Variants in NRG3 observed in about 807,000 individuals in gnomAD.
NRG3 encodes neuregulin 3.
NRG3 carries 31 observed loss-of-function variants against 66.9 expected under a neutral mutation model. That is an observed-to-expected ratio of 0.46 (90% CI 0.35 to 0.63). NRG3 has a LOEUF of 0.63. NRG3 is among the 20% of genes least tolerant of loss of function. The pLI, the probability that NRG3 is intolerant of heterozygous loss-of-function variation, is 0.00. For synonymous variants in NRG3, 393 were observed against 359.4 expected (o/e 1.09, Z -1.06); for missense variants, 910 against 878.9 (o/e 1.04, Z -0.45).
chr10:82,772,786 G>T (rs752449953), intron 3 of NRG3, among the ~76,000 whole-genome samples: 1 of 142,914 alleles, frequency 7.0e-6, no homozygotes, highest in Non-Finnish European at 1.5e-5. Context: ...GTTCATTGCA[G>T]CCTCGACCTC....
intron 1 of NRG3, among the ~76,000 whole-genome samples, chr10:82,198,014 G>C (rs1272579183): frequency 2.6e-5 from 4 of 152,098 alleles, no homozygotes; most frequent in Non-Finnish European, 5.9e-5. Flanking sequence ...AATTTGTAAA[G>C]CAACTGGATT....
At chr10:82,792,963 A>C (rs1591541225) in intron 3 of NRG3, among the ~76,000 whole-genome samples, 1 of 152,026 alleles carries the variant, frequency 6.6e-6, no homozygotes. Context: ...TTACAGGCAT[A>C]AGCCACCACA....
intron 6 of NRG3, among the ~76,000 whole-genome samples, chr10:82,963,256 T>G (rs1850854875): frequency 6.6e-6 from 1 of 152,104 alleles, no homozygotes; most frequent in South Asian, 2.1e-4. Flanking sequence ...AGAGCAATTA[T>G]TTTGGCCAGT....
chr10:81,918,547 A>G (rs1343993556), intron 1 of NRG3, among the ~76,000 whole-genome samples: 2 of 152,140 alleles, frequency 1.3e-5, no homozygotes, highest in Non-Finnish European at 2.9e-5. Flanking sequence ...ATGATATTTT[A>G]TATGCTCTGT....
At chr10:82,805,062 G>C (rs1330711278) in intron 3 of NRG3, among the ~76,000 whole-genome samples, 2 of 152,180 alleles carry the variant, frequency 1.3e-5, no homozygotes, top group Admixed American at 1.3e-4. Context: ...CTATTCAAAT[G>C]TATTATGCAC....
At chr10:82,974,993 A>G (rs1852117699) in intron 7 of NRG3, among the ~76,000 whole-genome samples, 1 of 152,192 alleles carries the variant, frequency 6.6e-6, no homozygotes, top group South Asian at 2.1e-4. Flanking sequence ...AGACTAGAAC[A>G]CTGAGAGTTT....
At chr10:81,986,376 G>A (rs1042128458) in intron 1 of NRG3, among the ~76,000 whole-genome samples, 16 of 152,122 alleles carry the variant, frequency 1.1e-4, no homozygotes, top group African/African-American at 3.4e-4. Context: ...ATTTCAAAAT[G>A]TAAATAGTGA....
At chr10:82,901,836 G>A (rs1844250977) in intron 4 of NRG3, among the ~76,000 whole-genome samples, 1 of 152,118 alleles carries the variant, frequency 6.6e-6, no homozygotes, top group Non-Finnish European at 1.5e-5. Context: ...TCCTGGTTTG[G>A]AAGACTTCAG....
chr10:82,135,518 T>C (rs565833216), intron 1 of NRG3, among the ~76,000 whole-genome samples: 1 of 152,226 alleles, frequency 6.6e-6, no homozygotes, highest in South Asian at 2.1e-4. Context: ...GTAGATGTGC[T>C]TCATTCTTTT....
chr10:81,942,694 T>C (rs548023756), intron 1 of NRG3, among the ~76,000 whole-genome samples: 65 of 152,286 alleles, frequency 4.3e-4, no homozygotes, highest in African/African-American at 1.4e-3. Flanking sequence ...CAATTTCTCA[T>C]GCAATTTCCA....
chr10:82,785,133 T>G (rs1252293907), intron 3 of NRG3, among the ~76,000 whole-genome samples: 1 of 148,396 alleles, frequency 6.7e-6, no homozygotes, highest in Non-Finnish European at 1.5e-5. Context: ...ATGTTCTCAC[T>G]CATAGATGGG....
intron 1 of NRG3, among the ~76,000 whole-genome samples, chr10:81,902,840 T>C (rs1229056911): frequency 6.6e-6 from 1 of 152,192 alleles, no homozygotes; most frequent in Admixed American, 6.5e-5. Flanking sequence ...GCGAATTTTA[T>C]GATCCATCTT....
chr10:82,453,669 T>A (rs1435935753), intron 2 of NRG3, among the ~76,000 whole-genome samples: 3 of 150,580 alleles, frequency 2.0e-5, no homozygotes, highest in African/African-American at 7.3e-5. Flanking sequence ...GTTAAAAGCC[T>A]GATGTTTTGA....
At chr10:81,898,273 G>GC (rs1179986332) in intron 1 of NRG3, among the ~76,000 whole-genome samples, 3 of 152,220 alleles carry the variant, frequency 2.0e-5, no homozygotes, top group Non-Finnish European at 2.9e-5. Flanking sequence ...GCCAGCAAGA[G>GC]CCTTTATTCA....
intron 3 of NRG3, among the ~76,000 whole-genome samples, chr10:82,826,340 T>C (rs1315601134): frequency 6.6e-6 from 1 of 152,242 alleles, no homozygotes; most frequent in Non-Finnish European, 1.5e-5. Context: ...GGCTCAGTTC[T>C]TGCAACAAGC....
At chr10:81,918,505 T>C (rs1244817921) in intron 1 of NRG3, among the ~76,000 whole-genome samples, 5 of 152,228 alleles carry the variant, frequency 3.3e-5, no homozygotes, top group Admixed American at 3.3e-4. Context: ...TATTTCCCTA[T>C]TACCCTGTGT....
In NRG3 at chr10:82,979,031, C is replaced by T; in HGVS notation, c.1494C>T (p.Pro498=). Residue 498 remains proline (P), a synonymous_variant, in exon 8 of 9, where the codon CCC becomes CCT. Transcript: ENST00000372141. ...CCTTCAGAAGGACACCCCCGTCACC[C>T]CGAAGTAGGCTAGGTGGAATTGTGG... ...RNAFRRTPPS[P]RSRLGGIVGP... The T allele has an allele frequency of 6.2e-7, 1 of 1,614,116 alleles. No individual in the cohort carries two copies. The highest frequency in any genetic ancestry group is 1.1e-5 in the South Asian group (1 of 91,084).
chr10:82,596,447 AC>A (rs1412347601), intron 2 of NRG3, among the ~76,000 whole-genome samples: 11 of 151,930 alleles, frequency 7.2e-5, no homozygotes, highest in African/African-American at 2.4e-4. Flanking sequence ...CAAAGTGGCT[AC>A]TCCCTGTTTC....
intron 1 of NRG3, among the ~76,000 whole-genome samples, chr10:82,139,966 G>A (rs1045581539): frequency 1.3e-5 from 2 of 152,018 alleles, no homozygotes; most frequent in African/African-American, 4.8e-5. Context: ...TGCCATTTTT[G>A]TGTTTTAATA....
Sources: allele counts gnomAD v4.1 joint callset (sites outside exome capture counted in the v4.1 genomes callset), GRCh38; gene constraint gnomAD v4.1.1; transcripts MANE v1.5; gene names NCBI Gene and HGNC (gene_info 2026-07-23, HGNC 2026-07-21).